Variants in ACACB observed in about 807,000 individuals in gnomAD.
ACACB encodes the protein acetyl-CoA carboxylase 2.
A neutral mutation model predicts 278.8 loss-of-function variants in ACACB; 209 were observed. The ratio of observed to expected loss-of-function variants is 0.75; its 90% CI spans 0.67 to 0.84. The LOEUF (loss-of-function observed/expected upper bound fraction) is 0.84. ACACB is among the 40% of genes least tolerant of loss of function. ACACB has a pLI of 0.00. For missense variants in ACACB, 2,850 were observed against 3,269.0 expected (o/e 0.87, Z 3.13); for synonymous variants, 1,174 against 1,285.6 (o/e 0.91, Z 1.86).
At chr12:109,168,410 T>C (rs539379411) in intron 4 of ACACB, among the ~76,000 whole-genome samples, 44 of 152,346 alleles carry the variant, frequency 2.9e-4, no homozygotes, top group African/African-American at 1.0e-3. Context: ...TGTTGGATGA[T>C]TTACTTTTTT....
Position 109,227,547 on chromosome 12 carries a change from C to A in ACACB, c.4001+58C>A, listed in dbSNP as rs561296273. ...TGTTTCTGTTCTTCCTGACCTCTGTCGTCCTGTCTCTGGAAGGACCTGGCA... is the reference window on the plus strand; with the variant it reads ...TGTTTCTGTTCTTCCTGACCTCTGTAGTCCTGTCTCTGGAAGGACCTGGCA... On this transcript the variant is annotated intron_variant, in intron 28 of 52. Coordinates refer to ENST00000338432, the MANE Select transcript of ACACB (RefSeq NM_001093.4). 6 of 1,529,324 alleles carry A rather than the reference C, an allele frequency of 3.9e-6. No homozygotes were observed. In the South Asian group the frequency reaches 5.7e-5, roughly 15 times the overall value. 94.7% of individuals were successfully genotyped at this position (1,529,324 alleles called of 1,614,324 possible).
At chr12:109,182,898 C>T (rs1197667281) in intron 11 of ACACB, among the ~76,000 whole-genome samples, 1 of 152,080 alleles carries the variant, frequency 6.6e-6, no homozygotes, top group Non-Finnish European at 1.5e-5. Flanking sequence ...TGAGAGTTCC[C>T]CCAATGTTTT....
chr12:109,196,986 G>A (rs2045154991), intron 16 of ACACB, 22 bp from the exon 17 acceptor site: 2 of 1,528,946 alleles, frequency 1.3e-6, no homozygotes, highest in South Asian at 1.3e-5. Flanking sequence ...CCCAGGCGGT[G>A]ACAAGGGGCT....
chr12:109,262,982 A>ATATATATATATATATT (rs1168270528), intron 49 of ACACB: 1 of 137,636 alleles, frequency 7.3e-6, no homozygotes, highest in Admixed American at 7.3e-5. Context: ...ATATATATAT[A>ATATATATATATATATT]TTGCCATCGT....
chr12:109,258,845 C>G, intron 46 of ACACB, 128 bp from the exon 47 acceptor site: 1 of 1,248,378 alleles, frequency 8.0e-7, no homozygotes, highest in South Asian at 1.4e-5. Flanking sequence ...CTTCTGAGCC[C>G]TGGCTCTGGT....
At position 109,209,356 on chromosome 12, in the gene ACACB, G is replaced by A. The variant is rs1258609521; in HGVS notation, c.3249+3G>A. On this transcript the variant is annotated splice_donor_region_variant and intron_variant, in intron 21 of 52. Transcript: ENST00000338432. ...TGTGCCAGTTCCCCAGCCAGCAGGT[G>A]CGTGCTCCCCTGCCCAGCCCCACCC... The A allele has an allele frequency of 8.1e-6, 13 of 1,607,002 alleles. No individual in the cohort carries two copies. The highest frequency in any genetic ancestry group is 1.1e-5 in the Non-Finnish European group (13 of 1,176,776).
At position 109,210,105 on chromosome 12, in the gene ACACB, A is replaced by G. The variant is rs567791204; in HGVS notation, c.3249+752A>G. On this transcript the variant is annotated intron_variant, in intron 21 of 52. Transcript: ENST00000338432. ...TGTATATATACACACATGTGTGTGT[A>G]TATGTATATATACACGTACATGTAT... Among the ~76,000 whole-genome samples, 85 of 121,384 alleles carry G rather than the reference A, an allele frequency of 7.0e-4. 9 individuals are homozygous for G. Among genetic ancestry groups the G allele is most frequent in the South Asian group, 2.2e-3 (9 of 4,010 alleles). 79.6% of individuals were successfully genotyped at this position (121,384 alleles called of 152,430 possible).
chr12:109,212,191 C>T (rs542751383), intron 21 of ACACB, among the ~76,000 whole-genome samples: 6 of 152,204 alleles, frequency 3.9e-5, no homozygotes, highest in Admixed American at 1.3e-4. Flanking sequence ...AATTTTCAAT[C>T]TTCAAATGAG....
chr12:109,259,662 G>A (rs1360240124), intron 47 of ACACB, among the ~76,000 whole-genome samples: 1 of 152,184 alleles, frequency 6.6e-6, no homozygotes, highest in African/African-American at 2.4e-5. Context: ...TGCAGGTCAG[G>A]GAGGGGCAGC....
intron 49 of ACACB, among the ~76,000 whole-genome samples, chr12:109,262,745 G>C (rs1160924950): frequency 6.6e-6 from 1 of 151,126 alleles, no homozygotes; most frequent in Non-Finnish European, 1.5e-5. Flanking sequence ...CTCAGCCTGA[G>C]TAGCTGGGAC....
intron 1 of ACACB, among the ~76,000 whole-genome samples, chr12:109,121,562 A>G (rs2042549802): frequency 6.6e-6 from 1 of 152,196 alleles, no homozygotes; most frequent in Non-Finnish European, 1.5e-5. Context: ...ATGGTGTTCC[A>G]TGGCATCTCT....
intron 1 of ACACB, among the ~76,000 whole-genome samples, chr12:109,122,897 T>A (rs1180997964): frequency 1.3e-5 from 2 of 151,924 alleles, no homozygotes; most frequent in Non-Finnish European, 2.9e-5. Flanking sequence ...TATAAAAAAA[T>A]TTAAGCTGGG....
chr12:109,176,414 T>G, intron 9 of ACACB, 151 bp downstream of exon 9: 1 of 696,040 alleles, frequency 1.4e-6, no homozygotes, highest in Non-Finnish European at 2.4e-6. Flanking sequence ...AACAAACGCG[T>G]ACATTTTTAC....
At chr12:109,222,993 C>A in intron 26 of ACACB, 81 bp downstream of exon 26, 1 of 1,130,966 alleles carries the variant, frequency 8.8e-7, no homozygotes, top group Non-Finnish European at 1.3e-6. Context: ...ACGGCTCCTC[C>A]TGCCCTCCAG....
chr12:109,169,810 A>G (rs1295908782), intron 4 of ACACB, among the ~76,000 whole-genome samples: 1 of 152,210 alleles, frequency 6.6e-6, no homozygotes, highest in Non-Finnish European at 1.5e-5. Flanking sequence ...AAAACTGGAC[A>G]AGGACCAGGA....
chr12:109,227,587 C>A, intron 28 of ACACB, 98 bp downstream of exon 28: 1 of 1,164,720 alleles, frequency 8.6e-7, no homozygotes, highest in Non-Finnish European at 1.3e-6. Context: ...TGTTTGGGCA[C>A]GCTGCTGGGG....
chr12:109,128,901 G>C (rs546541919), intron 1 of ACACB, among the ~76,000 whole-genome samples: 26 of 151,952 alleles, frequency 1.7e-4, no homozygotes, highest in Admixed American at 3.3e-4. Flanking sequence ...GCCTCCTGAA[G>C]TGCTGGAATT....
At chr12:109,222,361 G>A (rs1246363780) in intron 24 of ACACB, 146 bp from the exon 25 acceptor site, 1 of 672,688 alleles carries the variant, frequency 1.5e-6, no homozygotes, top group South Asian at 1.8e-5. Flanking sequence ...AGTGGTGAGG[G>A]TTTGCATAAC....
intron 41 of ACACB, among the ~76,000 whole-genome samples, chr12:109,251,286 CCTAA>C (rs762408169): frequency 3.3e-5 from 5 of 152,194 alleles, no homozygotes; most frequent in Non-Finnish European, 5.9e-5. Context: ...TTAGCAACTG[CCTAA>C]CTATCACCTG....
Sources: gnomAD v4.1 joint callset for allele counts (sites outside exome capture counted in the v4.1 genomes callset) on GRCh38, gnomAD v4.1.1 for gene constraint, MANE v1.5 for transcripts, NCBI Gene and HGNC (gene_info 2026-07-23, HGNC 2026-07-21) for gene names.